DNA2: variants seen among roughly 807,000 people sequenced by gnomAD.
DNA2 encodes DNA replication ATP-dependent helicase/nuclease DNA2.
DNA2 carries 101 observed loss-of-function variants against 119.1 expected under a neutral mutation model. The observed-to-expected ratio is 0.85, with a 90% CI of 0.72 to 1.00. DNA2 has a LOEUF of 1.00. Ranked by LOEUF, DNA2 falls within the 50% of genes least tolerant of loss-of-function variation. The pLI, the probability that DNA2 is intolerant of heterozygous loss-of-function variation, is 0.00. For synonymous variants in DNA2, 366 were observed against 424.4 expected (o/e 0.86, Z 1.69); for missense variants, 1,121 against 1,255.5 (o/e 0.89, Z 1.62).
intron 4 of DNA2, among the ~76,000 whole-genome samples, chr10:68,463,583 A>G (rs1275837974): frequency 1.3e-5 from 2 of 150,556 alleles, no homozygotes; most frequent in South Asian, 2.1e-4. Context: ...AGGCAGGAGA[A>G]TGGCGTGAAC....
intron 5 of DNA2, among the ~76,000 whole-genome samples, chr10:68,457,003 A>G (rs139020035): frequency 2.4e-4 from 36 of 151,902 alleles, no homozygotes; most frequent in East Asian, 1.4e-3. Context: ...GCATGGTGGC[A>G]GGCACCTGTA....
At chr10:68,463,312 C>T (rs1380477989) in intron 4 of DNA2, among the ~76,000 whole-genome samples, 2 of 151,750 alleles carry the variant, frequency 1.3e-5, no homozygotes, top group Admixed American at 6.6e-5. Flanking sequence ...GGCGTGGTGG[C>T]GGCCGCCTGT....
At chr10:68,472,472 C>T (rs1296730950), upstream of DNA2, among the ~76,000 whole-genome samples, 5 of 152,184 alleles carry the variant, frequency 3.3e-5, no homozygotes, top group South Asian at 4.1e-4. Flanking sequence ...TGGAGGCTCA[C>T]GCCTGTAATC....
chr10:68,438,258 G>T (rs577694315), intron 9 of DNA2, among the ~76,000 whole-genome samples: 1 of 152,116 alleles, frequency 6.6e-6, no homozygotes, highest in African/African-American at 2.4e-5. Flanking sequence ...GGTGGCTCAC[G>T]CCTGTAACCC....
At chr10:68,472,028 G>A, upstream of DNA2, 1 of 1,607,196 alleles carries the variant, frequency 6.2e-7, no homozygotes, top group South Asian at 1.1e-5. Context: ...CTCCCGCGCC[G>A]GCGCGTTCCA....
intron 14 of DNA2, chr10:68,424,701 C>T (rs1045272185): frequency 4.4e-6 from 7 of 1,605,496 alleles, no homozygotes; most frequent in Non-Finnish European, 4.3e-6. Context: ...CCGCTCCACA[C>T]CCATCCGCAA....
At chr10:68,424,679 G>C in intron 14 of DNA2, 1 of 1,606,916 alleles carries the variant, frequency 6.2e-7, no homozygotes, top group Non-Finnish European at 8.5e-7. Flanking sequence ...AGCTGCGGCA[G>C]AAGTACAATG....
intron 6 of DNA2, among the ~76,000 whole-genome samples, chr10:68,448,984 T>C (rs1485438698): frequency 1.4e-5 from 2 of 144,924 alleles, no homozygotes; most frequent in Non-Finnish European, 3.0e-5. Flanking sequence ...TGTGTGTGTG[T>C]GTAGTAGTTT....
chr10:68,462,475 C>A (rs1035647756), intron 4 of DNA2, among the ~76,000 whole-genome samples: 2 of 152,154 alleles, frequency 1.3e-5, no homozygotes, highest in African/African-American at 4.8e-5. Context: ...CCCACATAAA[C>A]AAAAGCTCTT....
intron 19 of DNA2, among the ~76,000 whole-genome samples, chr10:68,418,669 ATTTTT>A (rs34507769): frequency 8.8e-5 from 10 of 113,816 alleles, no homozygotes; most frequent in Non-Finnish European, 1.2e-4. Context: ...TTAAACCGCA[ATTTTT>A]TTTTTTTTTT....
chr10:68,437,156 G>A lies in DNA2; in HGVS notation c.1501C>T (p.Gln501Ter). The A allele has an allele frequency of 6.2e-7, 1 of 1,613,830 alleles. No individual in the cohort carries two copies. The highest frequency in any genetic ancestry group is 8.5e-7 in the Non-Finnish European group (1 of 1,179,850). ...ACAGGTATGGCACCATGTTTACATTGGAAATTATGTAAATATTGCCCATCA... is the reference window on the plus strand; with the variant it reads ...ACAGGTATGGCACCATGTTTACATTAGAAATTATGTAAATATTGCCCATCA... The part of the protein sequence containing the change: ...VCDGQYLHNF[Q>*]CKHGAIPVTN... The change falls in exon 10 of 21, where the codon CAA (glutamine) becomes TAA (stop). Residue 501 changes from glutamine to a stop codon, truncating the protein, a stop_gained. Coordinates refer to ENST00000358410, the MANE Select transcript of DNA2 (RefSeq NM_001080449.3). LOFTEE classifies it high-confidence loss of function.
intron 2 of DNA2, among the ~76,000 whole-genome samples, chr10:68,469,106 T>C (rs1300770053): frequency 6.6e-6 from 1 of 151,790 alleles, no homozygotes; most frequent in Non-Finnish European, 1.5e-5. Flanking sequence ...AGAGTCAAAG[T>C]TAGACCTCTA....
intron 6 of DNA2, among the ~76,000 whole-genome samples, chr10:68,448,966 T>TGTGTGTATGC (rs1325187503): frequency 7.6e-6 from 1 of 131,176 alleles, no homozygotes; most frequent in Non-Finnish European, 1.6e-5. Context: ...TGTGTGTGTG[T>TGTGTGTATGC]GCGTGTGTGT....
Position 68,471,800 on chromosome 10 carries a change from G to T in DNA2, c.65C>A (p.Pro22Gln), listed in dbSNP as rs779404104. 1.2e-6 allele frequency: 2 copies of T among 1,600,248 alleles called. No individual in the cohort carries two copies. The highest frequency in any genetic ancestry group is 2.3e-5 in the South Asian group (2 of 87,836). The change falls in exon 1 of 21, where the codon CCG (proline) becomes CAG (glutamine). Residue 22 changes from proline to glutamine, a missense_variant. Physicochemically the swap from Pro to Gln is moderately conservative, Grantham distance 76 (BLOSUM62 -1). Transcript: ENST00000358410. The stretch of plus-strand genomic sequence containing the variant: ...CCCCCTCTCCGCTCACAGCTCCGCC[G>T]GCAGCTCCGCCTCCTCCCAAAAACT... ...EKSFWEEAEL[P>Q]AELFQKKVVA...
chr10:68,466,428 C>T (rs1162934469), intron 3 of DNA2, among the ~76,000 whole-genome samples: 1 of 151,938 alleles, frequency 6.6e-6, no homozygotes, highest in Non-Finnish European at 1.5e-5. Context: ...GTAAAAGATA[C>T]CATTCAAACA....
chr10:68,460,103 CTCTTT>C (rs2052237176), intron 4 of DNA2, among the ~76,000 whole-genome samples: 1 of 150,966 alleles, frequency 6.6e-6, no homozygotes, highest in African/African-American at 2.4e-5. Context: ...TTTTCTTTTT[CTCTTT>C]TCTTTTTTTA....
In DNA2 at chr10:68,419,107, G is replaced by A. The variant is rs2051632243; in HGVS notation, c.2894C>T (p.Thr965Ile). 3 of 1,613,150 alleles carry A rather than the reference G, an allele frequency of 1.9e-6. No homozygotes were observed. The highest frequency in any genetic ancestry group is 1.7e-5 in the Admixed American group (1 of 59,926). ...ARSIGMVEVNTVDKYQGRDKS... is the reference protein window; with the variant it reads ...ARSIGMVEVNIVDKYQGRDKS... ...GTCCCTTCCTTGGTATTTGTCTACT[G>A]TATTAACTTCGACCATCCCAATAGA... Residue 965 changes from threonine (T) to isoleucine (I), a missense_variant, in exon 19 of 21, where the codon ACA (threonine) becomes ATA (isoleucine). Coordinates refer to ENST00000358410, the MANE Select transcript of DNA2 (RefSeq NM_001080449.3).
chr10:68,440,869 A>T (rs996625278), intron 9 of DNA2, among the ~76,000 whole-genome samples: 5 of 152,134 alleles, frequency 3.3e-5, no homozygotes, highest in Non-Finnish European at 5.9e-5. Context: ...ATTTTACATA[A>T]AGAAAAATAC....
chr10:68,458,754 A>AGG (rs1460079718), intron 5 of DNA2, among the ~76,000 whole-genome samples: 2 of 151,992 alleles, frequency 1.3e-5, no homozygotes, highest in African/African-American at 4.8e-5. Flanking sequence ...AGGCTGAGAT[A>AGG]GGAGAATCAC....
Sources: allele counts gnomAD v4.1 joint callset (sites outside exome capture counted in the v4.1 genomes callset), GRCh38; gene constraint gnomAD v4.1.1; transcripts MANE v1.5; gene names NCBI Gene and HGNC (gene_info 2026-07-23, HGNC 2026-07-21).